LMO7: variants seen among roughly 807,000 people sequenced by gnomAD.
LMO7 encodes the protein LIM domain only protein 7.
A neutral mutation model predicts 206.5 loss-of-function variants in LMO7; 120 were observed. That is an observed-to-expected ratio of 0.58 (90% CI 0.50 to 0.68). LMO7 has a LOEUF of 0.68. LMO7 is among the 30% of genes least tolerant of loss of function. The pLI is 0.00. For missense variants in LMO7, 1,959 were observed against 1,957.9 expected (o/e 1.00, Z -0.01); for synonymous variants, 706 against 681.5 (o/e 1.04, Z -0.56).
intron 16 of LMO7, among the ~76,000 whole-genome samples, chr13:75,833,585 G>A (rs898675570): frequency 2.0e-5 from 3 of 152,100 alleles, no homozygotes; most frequent in African/African-American, 7.2e-5. Context: ...TTTTCAGGGT[G>A]CTTCAGGACT....
chr13:75,793,405 A>G (rs914837836), intron 4 of LMO7, among the ~76,000 whole-genome samples: 1 of 152,048 alleles, frequency 6.6e-6, no homozygotes, highest in Non-Finnish European at 1.5e-5. Context: ...CCTCCTGAGT[A>G]GCTGGGATTA....
intron 2 of LMO7, among the ~76,000 whole-genome samples, chr13:75,719,115 G>A (rs1161643168): frequency 6.6e-6 from 1 of 151,922 alleles, no homozygotes; most frequent in Non-Finnish European, 1.5e-5. Flanking sequence ...GAGTAGCTGG[G>A]ACTACAGGCA....
intron 1 of LMO7, among the ~76,000 whole-genome samples, chr13:75,686,041 A>G (rs911526168): frequency 2.0e-5 from 3 of 151,612 alleles, no homozygotes; most frequent in Non-Finnish European, 4.4e-5. Flanking sequence ...CTCCTGGCTA[A>G]TTTTTTGAAA....
intron 4 of LMO7, among the ~76,000 whole-genome samples, chr13:75,793,576 A>G (rs1376768636): frequency 6.6e-6 from 1 of 152,118 alleles, no homozygotes; most frequent in Non-Finnish European, 1.5e-5. Context: ...GCACCCGGCC[A>G]TTGCTGTGGA....
At chr13:75,685,998 C>T (rs1300188844) in intron 1 of LMO7, among the ~76,000 whole-genome samples, 1 of 150,888 alleles carries the variant, frequency 6.6e-6, no homozygotes, top group Non-Finnish European at 1.5e-5. Flanking sequence ...AGTGATCCTC[C>T]TGCATAGCTG....
intron 1 of LMO7, among the ~76,000 whole-genome samples, chr13:75,641,842 T>TC (rs2036567585): frequency 6.6e-6 from 1 of 151,062 alleles, no homozygotes; most frequent in African/African-American, 2.4e-5. Flanking sequence ...TTTTTTTTGG[T>TC]AGAGACAGGG....
chr13:75,630,235 T>A (rs564759279), intron 2 of LMO7, among the ~76,000 whole-genome samples: 1 of 152,372 alleles, frequency 6.6e-6, no homozygotes, highest in Non-Finnish European at 1.5e-5. Context: ...GTTGGTTGAA[T>A]CTGCAGATAT....
At position 75,737,782 on chromosome 13, in the gene LMO7, T is replaced by TTAA. The variant is rs760406624; in HGVS notation, c.210+10684_210+10685insTAA. ...AAAAAAAAAATAAAATAAAATAAAA[T>TTAA]AAAAAAAAAAAAAAAAAAACTTTTT... On this transcript the variant is annotated intron_variant, in intron 3 of 30. Coordinates refer to ENST00000377534, the MANE Select transcript of LMO7 (RefSeq NM_001306080.2). Among the ~76,000 whole-genome samples, 158 of 36,332 alleles carry TTAA rather than the reference T, an allele frequency of 4.3e-3. 5 individuals are homozygous for TTAA. Among genetic ancestry groups the TTAA allele is most frequent in the African/African-American group, 0.024 (151 of 6,368 alleles). 23.8% of individuals were successfully genotyped at this position (36,332 alleles called of 152,430 possible).
At chr13:75,668,218 C>A (rs1346062807) in intron 1 of LMO7, among the ~76,000 whole-genome samples, 2 of 151,594 alleles carry the variant, frequency 1.3e-5, no homozygotes, top group Non-Finnish European at 2.9e-5. Context: ...GAAAAAGAAC[C>A]AAAAAACAAA....
intron 4 of LMO7, among the ~76,000 whole-genome samples, chr13:75,763,293 A>G (rs1451669640): frequency 1.3e-5 from 2 of 152,074 alleles, no homozygotes; most frequent in African/African-American, 4.8e-5. Context: ...GAATTTTCCT[A>G]CTCCAAATAT....
intron 4 of LMO7, among the ~76,000 whole-genome samples, chr13:75,779,323 G>A (rs940752395): frequency 4.6e-5 from 7 of 151,098 alleles, no homozygotes; most frequent in Non-Finnish European, 1.0e-4. Flanking sequence ...ACTAAATATG[G>A]TGAACAGGAG....
At chr13:75,742,933 G>A (rs1412373569) in intron 3 of LMO7, among the ~76,000 whole-genome samples, 1 of 152,118 alleles carries the variant, frequency 6.6e-6, no homozygotes, top group African/African-American at 2.4e-5. Context: ...AGAGTAAACA[G>A]ACAACCTACA....
intron 3 of LMO7, chr13:75,760,715 G>A (rs1246794140): frequency 6.5e-6 from 10 of 1,532,660 alleles, no homozygotes; most frequent in East Asian, 2.4e-5. Flanking sequence ...GTGTATGCCC[G>A]GGCATAAGAT....
chr13:75,636,300 A>ACGG, upstream of LMO7: 1 of 1,074,252 alleles, frequency 9.3e-7, no homozygotes, highest in Non-Finnish European at 1.1e-6. Context: ...CGCGGGGAGG[A>ACGG]CGGCGGCGGC....
chr13:75,788,678 G>C (rs748532878), intron 4 of LMO7, among the ~76,000 whole-genome samples: 1 of 152,092 alleles, frequency 6.6e-6, no homozygotes, highest in Admixed American at 6.5e-5. Context: ...TGAACAGGTG[G>C]CCAAGCTGCA....
chr13:75,773,778 A>T (rs1469471315), intron 4 of LMO7, among the ~76,000 whole-genome samples: 1 of 152,216 alleles, frequency 6.6e-6, no homozygotes, highest in Non-Finnish European at 1.5e-5. Context: ...ATTTAAGTAG[A>T]AATAAACACT....
chr13:75,816,043 C>T (rs1241493804), intron 11 of LMO7, among the ~76,000 whole-genome samples: 1 of 152,148 alleles, frequency 6.6e-6, no homozygotes, highest in Non-Finnish European at 1.5e-5. Flanking sequence ...AGGGGATATC[C>T]ATGCAGAAAG....
In LMO7 at chr13:75,825,188, A is replaced by G. The variant is rs924319912; in HGVS notation, c.2949+1315A>G. On this transcript the variant is annotated intron_variant, in intron 15 of 30. Coordinates refer to ENST00000377534, the MANE Select transcript of LMO7 (RefSeq NM_001306080.2). Reference sequence around the variant, plus strand: ...ATTACATTTTTAAGGAATTGGAAATATATAATTAACATGCTAAGTCTCAGT... The same window carrying G: ...ATTACATTTTTAAGGAATTGGAAATGTATAATTAACATGCTAAGTCTCAGT... Among the ~76,000 whole-genome samples the G allele has an allele frequency of 2.6e-5, 4 of 152,070 alleles. No homozygotes were observed. In the East Asian group the frequency reaches 5.8e-4, roughly 22 times the overall value.
At chr13:75,836,712 A>G (rs988157398) in intron 19 of LMO7, among the ~76,000 whole-genome samples, 3 of 152,196 alleles carry the variant, frequency 2.0e-5, no homozygotes, top group East Asian at 1.9e-4. Flanking sequence ...GCCTAAGTCA[A>G]ATAAGAAAGA....
Sources: allele counts gnomAD v4.1 joint callset (sites outside exome capture counted in the v4.1 genomes callset), GRCh38; gene constraint gnomAD v4.1.1; transcripts MANE v1.5; gene names NCBI Gene and HGNC (gene_info 2026-07-23, HGNC 2026-07-21).